The following PPP1R3A variants were observed in gnomAD, a reference collection of about 807,000 sequenced individuals.
PPP1R3A encodes the protein protein phosphatase 1 regulatory subunit 3A, also known as RG1.
Under a neutral mutation model 41.7 loss-of-function variants are expected in PPP1R3A, and 29 were observed. That is an observed-to-expected ratio of 0.70 (90% CI 0.52 to 0.95). PPP1R3A has a LOEUF of 0.95. Among genes scored for constraint, PPP1R3A ranks in the 40% least tolerant of loss-of-function variants. The probability of loss-of-function intolerance (pLI) is 0.00; values close to 1 mark genes in which losing one functional copy is unlikely to be tolerated. For missense variants in PPP1R3A, 1,352 were observed against 1,292.4 expected (o/e 1.05, Z -0.71); for synonymous variants, 485 against 453.4 (o/e 1.07, Z -0.89).
chr7:113,879,444 T>C lies in PPP1R3A; in HGVS notation c.1648A>G (p.Ile550Val). The change falls in exon 4 of 4, where the codon ATA becomes GTA. Residue 550 changes from isoleucine to valine, a missense_variant. Coordinates refer to ENST00000284601, the MANE Select transcript of PPP1R3A (RefSeq NM_002711.4). ...CTAGCTCCAATCCCTGCCACACTTATTTTAGGGTTACCCATCTTCCTTTCT... is the reference window on the plus strand; with the variant it reads ...CTAGCTCCAATCCCTGCCACACTTACTTTAGGGTTACCCATCTTCCTTTCT... ...DQERKMGNPK[I>V]SVAGIGASNR... 6.2e-7 allele frequency: 1 copy of C among 1,613,522 alleles called. No homozygotes were observed. Among genetic ancestry groups the C allele is most frequent in the Non-Finnish European group, 8.5e-7 (1 of 1,179,710 alleles).
chr7:113,905,923 C>T (rs1380582108), intron 1 of PPP1R3A, among the ~76,000 whole-genome samples: 1 of 151,782 alleles, frequency 6.6e-6, no homozygotes, highest in Non-Finnish European at 1.5e-5. Flanking sequence ...GTTTCTTGTT[C>T]TGGTCCCACT....
intron 1 of PPP1R3A, among the ~76,000 whole-genome samples, chr7:113,904,116 A>G (rs1797107854): frequency 6.6e-6 from 1 of 151,746 alleles, no homozygotes; most frequent in South Asian, 2.1e-4. Context: ...ATGTGTACAA[A>G]TATTATCACT....
chr7:113,894,918 T>C (rs1796952704), intron 1 of PPP1R3A, among the ~76,000 whole-genome samples: 1 of 151,982 alleles, frequency 6.6e-6, no homozygotes, highest in Non-Finnish European at 1.5e-5. Context: ...TCTCAGTATA[T>C]GTTTGGAAGA....
intron 1 of PPP1R3A, among the ~76,000 whole-genome samples, chr7:113,905,047 A>G (rs1240332078): frequency 6.6e-6 from 1 of 151,670 alleles, no homozygotes; most frequent in Non-Finnish European, 1.5e-5. Flanking sequence ...CTTTGGGTGG[A>G]GACTTCAGCT....
At chr7:113,892,449 T>A (rs558739366) in intron 1 of PPP1R3A, among the ~76,000 whole-genome samples, 11 of 152,196 alleles carry the variant, frequency 7.2e-5, no homozygotes, top group South Asian at 4.1e-4. Flanking sequence ...TAGCCACTCA[T>A]ATATTGAAGA....
At chr7:113,884,098 T>C (rs1244405370) in intron 1 of PPP1R3A, among the ~76,000 whole-genome samples, 2 of 151,958 alleles carry the variant, frequency 1.3e-5, no homozygotes, top group Non-Finnish European at 2.9e-5. Context: ...GTAAGATTTC[T>C]ATGGGCAAAG....
At chr7:113,912,792 A>G (rs1369477199) in intron 1 of PPP1R3A, among the ~76,000 whole-genome samples, 1 of 151,796 alleles carries the variant, frequency 6.6e-6, no homozygotes, top group Admixed American at 6.6e-5. Flanking sequence ...GATGGGCTTC[A>G]GGTGGGGAGG....
At chr7:113,882,369 T>G in intron 1 of PPP1R3A, 49 bp from the exon 2 acceptor site, 1 of 1,142,908 alleles carries the variant, frequency 8.7e-7, no homozygotes, top group Non-Finnish European at 1.3e-6. Flanking sequence ...GACTGCATCT[T>G]CTAAGTATTT....
At chr7:113,882,479 CT>C (rs1191982662) in intron 1 of PPP1R3A, among the ~76,000 whole-genome samples, 159 bp from the exon 2 acceptor site, 2 of 151,698 alleles carry the variant, frequency 1.3e-5, no homozygotes, top group Non-Finnish European at 2.9e-5. Flanking sequence ...TAAAAATGAT[CT>C]TTTTGGAATG....
In PPP1R3A at chr7:113,880,048, A is replaced by G; in HGVS notation, c.1044T>C (p.Asn348=). ...ERNTFSTDPV[N]FPNKAEGLEK... Reference sequence around the variant, plus strand: ...CTAACCCCTCTGCTTTATTTGGAAAATTGACTGGATCTGTTGAAAATGTAT... The same window carrying G: ...CTAACCCCTCTGCTTTATTTGGAAAGTTGACTGGATCTGTTGAAAATGTAT... Residue 348 remains asparagine, a synonymous_variant, in exon 4 of 4, where the codon AAT becomes AAC. Coordinates refer to ENST00000284601, the MANE Select transcript of PPP1R3A (RefSeq NM_002711.4). 6.2e-7 allele frequency: 1 copy of G among 1,610,760 alleles called. No homozygotes were observed. The highest frequency in any genetic ancestry group is 8.5e-7 in the Non-Finnish European group (1 of 1,177,402).
chr7:113,898,567 T>C lies in PPP1R3A; in HGVS notation c.783-16247A>G, dbSNP rs563018959. ...AACAATTTTCTCTTTGACCAAACTC[T>C]AGCCAGGCTCTTTAGGCCCATGTTA... On this transcript the variant is annotated intron_variant, in intron 1 of 3. Transcript: ENST00000284601. Among the ~76,000 whole-genome samples, 9 of 151,956 alleles carry C rather than the reference T, an allele frequency of 5.9e-5. No individual in the cohort carries two copies. In the South Asian group the frequency reaches 1.9e-3, roughly 31 times the overall value.
Position 113,879,363 on chromosome 7 carries a change from T to C in PPP1R3A, c.1729A>G (p.Ile577Val). The change falls in exon 4 of 4, where the codon ATC becomes GTC. Residue 577 changes from isoleucine (I) to valine (V), a missense_variant. Coordinates refer to ENST00000284601, the MANE Select transcript of PPP1R3A (RefSeq NM_002711.4). Reference protein sequence around the residue: ...SEHTAIPTRAITADVSHSPRT... With the variant: ...SEHTAIPTRAVTADVSHSPRT... ...GGTGAATGAGACACATCTGCTGTGA[T>C]TGCCCGGGTGGGGATTGCGGTATGT... 1 of 1,613,616 alleles carries C rather than the reference T, an allele frequency of 6.2e-7. No individual in the cohort carries two copies. Among genetic ancestry groups the C allele is most frequent in the East Asian group, 2.2e-5 (1 of 44,832 alleles).
At chr7:113,881,112 G>A (rs905162139) in intron 3 of PPP1R3A, among the ~76,000 whole-genome samples, 5 of 151,988 alleles carry the variant, frequency 3.3e-5, no homozygotes, top group Non-Finnish European at 7.4e-5. Flanking sequence ...ACTTTCAGCT[G>A]GTGAGAATTC....
intron 1 of PPP1R3A, among the ~76,000 whole-genome samples, chr7:113,893,338 T>C (rs1322569987): frequency 1.3e-5 from 2 of 151,994 alleles, no homozygotes; most frequent in Non-Finnish European, 2.9e-5. Context: ...AATTGCAATA[T>C]AGCCAAGGAT....
intron 1 of PPP1R3A, among the ~76,000 whole-genome samples, chr7:113,902,126 C>T (rs1474154159): frequency 1.3e-5 from 2 of 151,640 alleles, no homozygotes; most frequent in Non-Finnish European, 2.9e-5. Context: ...CCTCTTCTCT[C>T]TTTGTGTGTG....
chr7:113,905,081 G>A (rs1406086094), intron 1 of PPP1R3A, among the ~76,000 whole-genome samples: 1 of 151,536 alleles, frequency 6.6e-6, no homozygotes, highest in East Asian at 1.9e-4. Context: ...GTTCGCATGA[G>A]TATTAGGAAA....
chr7:113,882,486 G>T (rs2129114208), intron 1 of PPP1R3A, among the ~76,000 whole-genome samples, 166 bp from the exon 2 acceptor site: 1 of 151,852 alleles, frequency 6.6e-6, no homozygotes, highest in Admixed American at 6.6e-5. Context: ...GATCTTTTTG[G>T]AATGATGCAA....
intron 1 of PPP1R3A, among the ~76,000 whole-genome samples, chr7:113,890,938 T>C (rs763723977): frequency 1.3e-5 from 2 of 151,770 alleles, no homozygotes; most frequent in Non-Finnish European, 2.9e-5. Context: ...CATCATTTTA[T>C]AGAGAAAAGA....
chr7:113,917,311 A>G (rs983342705), intron 1 of PPP1R3A, among the ~76,000 whole-genome samples: 3 of 152,054 alleles, frequency 2.0e-5, no homozygotes, highest in African/African-American at 7.2e-5. Context: ...AGCAATGTAG[A>G]CTTTCCCTCT....
Sources: allele counts gnomAD v4.1 joint callset (sites outside exome capture counted in the v4.1 genomes callset), GRCh38; gene constraint gnomAD v4.1.1; transcripts MANE v1.5; gene names NCBI Gene and HGNC (gene_info 2026-07-23, HGNC 2026-07-21).